The following SI variants were observed in gnomAD, a reference collection of about 807,000 sequenced individuals.
The protein encoded by SI is sucrase-isomaltase, also known as sucrase-isomaltase, intestinal.
In SI, 235 loss-of-function variants were observed where a neutral mutation model predicts 253.3. The observed-to-expected ratio is 0.93, with a 90% CI of 0.83 to 1.03. The LOEUF is 1.03. SI is among the 50% of genes least tolerant of loss of function. The pLI is 0.00. For missense variants in SI, 2,442 were observed against 2,211.1 expected (o/e 1.10, Z -2.09); for synonymous variants, 819 against 712.0 (o/e 1.15, Z -2.39).
At chr3:165,004,765 T>C (rs1387808636) in intron 37 of SI, among the ~76,000 whole-genome samples, 1 of 152,074 alleles carries the variant, frequency 6.6e-6, no homozygotes, top group East Asian at 1.9e-4. Context: ...ATTGAACTCA[T>C]GAATATAGAC....
At chr3:165,030,685 A>G (rs558777836) in intron 25 of SI, 27 bp downstream of exon 25, 57 of 1,602,296 alleles carry the variant, frequency 3.6e-5, no homozygotes, top group Non-Finnish European at 4.8e-5. Context: ...TAACCATATC[A>G]TGAGTAATAG....
At chr3:164,979,899 C>T (rs560512954) in intron 47 of SI, among the ~76,000 whole-genome samples, 1 of 151,744 alleles carries the variant, frequency 6.6e-6, no homozygotes, top group South Asian at 2.1e-4. Context: ...TTCAATTTTG[C>T]ATGTGTTACT....
intron 26 of SI, among the ~76,000 whole-genome samples, chr3:165,022,428 T>C (rs1711670769): frequency 1.4e-5 from 1 of 70,378 alleles, no homozygotes; most frequent in African/African-American, 3.4e-5. Flanking sequence ...TAGCATATGA[T>C]TAAAAACAGA....
chr3:165,026,461 A>G (rs1247417881), intron 25 of SI, among the ~76,000 whole-genome samples: 3 of 151,392 alleles, frequency 2.0e-5, no homozygotes. Flanking sequence ...ATGGATTTAA[A>G]CCATACCCCA....
chr3:164,983,983 A>C (rs1000781064), intron 45 of SI, among the ~76,000 whole-genome samples: 3 of 152,126 alleles, frequency 2.0e-5, no homozygotes, highest in Non-Finnish European at 2.9e-5. Context: ...CAAATTCTAA[A>C]TACTGTATCA....
At chr3:165,066,887 C>T (rs916462747) in intron 6 of SI, among the ~76,000 whole-genome samples, 5 of 152,006 alleles carry the variant, frequency 3.3e-5, no homozygotes, top group Non-Finnish European at 5.9e-5. Flanking sequence ...CTTGCACCTA[C>T]ACCCCTCATA....
intron 44 of SI, among the ~76,000 whole-genome samples, chr3:164,987,590 T>G (rs979648078): frequency 6.6e-6 from 1 of 151,964 alleles, no homozygotes; most frequent in Non-Finnish European, 1.5e-5. Context: ...ATACCTGTAG[T>G]CCCAGCTACT....
At chr3:165,050,938 C>T (rs1449790169) in intron 13 of SI, among the ~76,000 whole-genome samples, 1 of 152,046 alleles carries the variant, frequency 6.6e-6, no homozygotes, top group Non-Finnish European at 1.5e-5. Context: ...TTAAACCTAT[C>T]TTTCATACTA....
intron 45 of SI, among the ~76,000 whole-genome samples, 197 bp from the exon 46 acceptor site, chr3:164,983,248 G>C (rs762598646): frequency 7.2e-5 from 11 of 152,136 alleles, no homozygotes; most frequent in Non-Finnish European, 1.2e-4. Context: ...GAGTCACCAG[G>C]TAAGGTCCTA....
intron 47 of SI, among the ~76,000 whole-genome samples, chr3:164,980,119 C>T (rs570428120): frequency 6.6e-6 from 1 of 151,866 alleles, no homozygotes; most frequent in South Asian, 2.1e-4. Flanking sequence ...TCATCAAATA[C>T]GCAAGAGAAG....
chr3:165,023,057 G>A (rs929830193), intron 26 of SI, among the ~76,000 whole-genome samples: 9 of 151,304 alleles, frequency 5.9e-5, no homozygotes, highest in African/African-American at 2.4e-5. Flanking sequence ...TAATACACAA[G>A]AAAATATCTT....
At chr3:165,029,581 C>CATATATATGTATATATACATATATATGT (rs1559997057) in intron 25 of SI, among the ~76,000 whole-genome samples, 1 of 131,144 alleles carries the variant, frequency 7.6e-6, no homozygotes. Flanking sequence ...TATATATATA[C>CATATATATGTATATATACATATATATGT]ATATATATGT....
intron 15 of SI, among the ~76,000 whole-genome samples, chr3:165,048,784 G>T (rs1386155365): frequency 6.6e-6 from 1 of 151,520 alleles, no homozygotes; most frequent in East Asian, 2.0e-4. Context: ...CGCCCAGCTA[G>T]ATTTGTACTT....
At chr3:165,073,470 A>T (rs1714730745) in intron 3 of SI, among the ~76,000 whole-genome samples, 1 of 151,806 alleles carries the variant, frequency 6.6e-6, no homozygotes, top group East Asian at 1.9e-4. Context: ...ATCTCTTTCA[A>T]TTTTTTTTCA....
intron 15 of SI, among the ~76,000 whole-genome samples, chr3:165,048,583 AT>A: frequency 9.3e-6 from 1 of 107,082 alleles, no homozygotes; most frequent in African/African-American, 3.2e-5. Flanking sequence ...ATATATATAT[AT>A]AGAGAGAGAG....
rs935012814 is a variant in SI, at chr3:165,006,871, A to G, written c.4351T>C (p.Leu1451=). ...EQILSDGTSV[L]HYDVHNLYGW... is the part of the protein sequence containing the mutation. ...TAGAGATTGTGAACATCGTAATGCAAAACTGATGTTCCATCACTAAGAATC... is the reference window on the plus strand; with the variant it reads ...TAGAGATTGTGAACATCGTAATGCAGAACTGATGTTCCATCACTAAGAATC... Residue 1451 remains leucine, a synonymous_variant, in exon 37 of 48, where the codon TTG becomes CTG. Transcript: ENST00000264382. 6.2e-7 allele frequency: 1 copy of G among 1,611,562 alleles called. No homozygotes were observed. Among genetic ancestry groups the G allele is most frequent in the African/African-American group, 1.3e-5 (1 of 74,866 alleles).
intron 35 of SI, 82 bp downstream of exon 35, chr3:165,009,197 C>T (rs1394224871): frequency 3.3e-6 from 3 of 917,746 alleles, no homozygotes; most frequent in Non-Finnish European, 5.4e-6. Context: ...ATTTTGTTGA[C>T]ATTATTTGAG....
chr3:164,980,141 C>T (rs1488858205), intron 47 of SI, among the ~76,000 whole-genome samples: 1 of 151,752 alleles, frequency 6.6e-6, no homozygotes, highest in Non-Finnish European at 1.5e-5. Context: ...GGAGGTGAAT[C>T]CTTTACTACC....
Position 165,057,148 on chromosome 3 carries a change from T to C in SI, c.1398+1815A>G, listed in dbSNP as rs750488818. 7.3e-4 allele frequency among the ~76,000 whole-genome samples: 111 copies of C among 151,864 alleles called. 1 individual carries two copies. Among genetic ancestry groups the C allele is most frequent in the South Asian group, 3.9e-3 (19 of 4,812 alleles). The stretch of plus-strand genomic sequence containing the variant: ...AAATTTAATGAAAAGATTGAAATAA[T>C]TTAAAAGAATCAAGCAGAAACTTGA... On this transcript the variant is annotated intron_variant, in intron 12 of 47. Coordinates refer to ENST00000264382, the MANE Select transcript of SI (RefSeq NM_001041.4).
Sources: allele counts gnomAD v4.1 joint callset (sites outside exome capture counted in the v4.1 genomes callset), GRCh38; gene constraint gnomAD v4.1.1; transcripts MANE v1.5; gene names NCBI Gene and HGNC (gene_info 2026-07-23, HGNC 2026-07-21).